Variants in NT5DC3 observed in about 807,000 individuals in gnomAD.
NT5DC3 encodes the protein 5'-nucleotidase domain containing 3.
A neutral mutation model predicts 67.8 loss-of-function variants in NT5DC3; 42 were observed. The ratio of observed to expected loss-of-function variants is 0.62; its 90% CI spans 0.48 to 0.80. NT5DC3 has a LOEUF of 0.80. Ranked by LOEUF, NT5DC3 falls within the 30% of genes least tolerant of loss-of-function variation. The probability of loss-of-function intolerance (pLI) is 0.00; values close to 1 mark genes in which losing one functional copy is unlikely to be tolerated. For missense variants in NT5DC3, 570 were observed against 696.4 expected, an observed-to-expected ratio of 0.82 and a Z score of 2.04; for synonymous variants, 237 against 255.6, an observed-to-expected ratio of 0.93 and a Z score of 0.69.
downstream of NT5DC3, chr12:103,766,164 C>G: frequency 7.6e-7 from 1 of 1,320,934 alleles, no homozygotes; most frequent in Non-Finnish European, 1.1e-6. Flanking sequence ...CAAACACGCC[C>G]AGCACATACG....
intron 1 of NT5DC3, among the ~76,000 whole-genome samples, chr12:103,833,851 AG>A (rs764601207): frequency 5.9e-5 from 9 of 152,334 alleles, no homozygotes; most frequent in Non-Finnish European, 1.0e-4. Flanking sequence ...GGAAGGCCAG[AG>A]CTTGAGTTCA....
chr12:103,765,480 C>T (rs373473418), downstream of NT5DC3, among the ~76,000 whole-genome samples: 1 of 152,204 alleles, frequency 6.6e-6, no homozygotes, highest in African/African-American at 2.4e-5. Flanking sequence ...CATGAAAAGC[C>T]ATTTCTAGCA....
downstream of NT5DC3, chr12:103,766,350 A>AGAT (rs542150436): frequency 6.2e-7 from 1 of 1,600,836 alleles, no homozygotes; most frequent in Non-Finnish European, 8.5e-7. Flanking sequence ...CCTGGACGGG[A>AGAT]GATGCCAGCC....
At chr12:103,801,249 C>T in intron 4 of NT5DC3, among the ~76,000 whole-genome samples, 1 of 152,018 alleles carries the variant, frequency 6.6e-6, no homozygotes, top group Non-Finnish European at 1.5e-5. Flanking sequence ...ACTTTCTTCC[C>T]ACCTTCTCTC....
chr12:103,821,160 C>T (rs1278875964), intron 1 of NT5DC3, among the ~76,000 whole-genome samples: 1 of 152,206 alleles, frequency 6.6e-6, no homozygotes, highest in Non-Finnish European at 1.5e-5. Context: ...TAAGCCACCA[C>T]GTGGAGCTGA....
downstream of NT5DC3, among the ~76,000 whole-genome samples, chr12:103,771,582 T>G (rs756866004): frequency 6.6e-6 from 1 of 152,070 alleles, no homozygotes; most frequent in East Asian, 1.9e-4. Flanking sequence ...CCAAGCACCC[T>G]GCAACCCACC....
At chr12:103,807,762 A>C (rs1024745343) in intron 2 of NT5DC3, among the ~76,000 whole-genome samples, 7 of 152,104 alleles carry the variant, frequency 4.6e-5, no homozygotes, top group Admixed American at 1.3e-4. Flanking sequence ...CTGGTGGGAG[A>C]CAACTGAATG....
chr12:103,799,249 T>C (rs907177345), intron 4 of NT5DC3, among the ~76,000 whole-genome samples: 6 of 152,162 alleles, frequency 3.9e-5, no homozygotes, highest in Non-Finnish European at 8.8e-5. Context: ...TCCAATACTC[T>C]AGCCTGAGAT....
chr12:103,837,645 C>T (rs574430180), intron 1 of NT5DC3, among the ~76,000 whole-genome samples: 31 of 152,334 alleles, frequency 2.0e-4, no homozygotes, highest in African/African-American at 7.2e-4. Context: ...GGCAAAATGC[C>T]GCCAACCTCT....
chr12:103,790,985 G>A (rs550070925), intron 9 of NT5DC3, among the ~76,000 whole-genome samples: 2 of 152,062 alleles, frequency 1.3e-5, no homozygotes, highest in South Asian at 4.2e-4. Context: ...CACCGCACCC[G>A]GCCAAGTACA....
At chr12:103,808,714 C>T (rs958679809) in intron 2 of NT5DC3, among the ~76,000 whole-genome samples, 9 of 152,222 alleles carry the variant, frequency 5.9e-5, no homozygotes, top group Admixed American at 3.9e-4. Context: ...AATTGACAAG[C>T]TGACACAGAA....
the NT5DC3 span, chr12:103,758,294 G>A: frequency 1.2e-6 from 2 of 1,612,974 alleles, no homozygotes; most frequent in African/African-American, 1.3e-5. Flanking sequence ...AATGAGGTGA[G>A]TTGAGTCCCT....
At chr12:103,792,572 T>A (rs1350775437) in intron 9 of NT5DC3, among the ~76,000 whole-genome samples, 8 of 152,234 alleles carry the variant, frequency 5.3e-5, no homozygotes, top group African/African-American at 1.9e-4. Context: ...AGTTAAAAGA[T>A]ATTTTAGCGT....
chr12:103,822,542 T>C (rs1887534096), intron 1 of NT5DC3, among the ~76,000 whole-genome samples: 2 of 152,246 alleles, frequency 1.3e-5, no homozygotes, highest in African/African-American at 4.8e-5. Flanking sequence ...AATAAGCATG[T>C]GTTATTTGGC....
intron 2 of NT5DC3, 75 bp from the exon 3 acceptor site, chr12:103,807,004 T>C: frequency 1.2e-6 from 1 of 866,980 alleles, no homozygotes. Flanking sequence ...CTGGCCCTTG[T>C]ACAAAGGCTG....
In NT5DC3 at chr12:103,824,342, A is replaced by G. The variant is rs140776431; in HGVS notation, c.209-9221T>C. On this transcript the variant is annotated intron_variant, in intron 1 of 13. Coordinates refer to ENST00000392876, the MANE Select transcript of NT5DC3 (RefSeq NM_001031701.3). ...TCATTTTTACTTCTGCAACAGTCCAATGGCAGATGTTGAGACGAAACAAAA... is the reference window on the plus strand; with the variant it reads ...TCATTTTTACTTCTGCAACAGTCCAGTGGCAGATGTTGAGACGAAACAAAA... Among the ~76,000 whole-genome samples, 445 of 152,350 alleles carry G rather than the reference A, an allele frequency of 2.9e-3. 2 individuals are homozygous for G. The highest frequency in any genetic ancestry group is 0.01 in the African/African-American group (421 of 41,588).
At chr12:103,780,081 C>G (rs990627355) in intron 13 of NT5DC3, among the ~76,000 whole-genome samples, 4 of 152,146 alleles carry the variant, frequency 2.6e-5, no homozygotes, top group Admixed American at 1.3e-4. Context: ...ATGGCAAGGG[C>G]GGAGGAATGA....
At chr12:103,753,819 C>A in the NT5DC3 span, among the ~76,000 whole-genome samples, 1 of 152,154 alleles carries the variant, frequency 6.6e-6, no homozygotes, top group Non-Finnish European at 1.5e-5. Flanking sequence ...TACCCACGAG[C>A]CTAGGGTGGA....
rs1885282382 is a variant in NT5DC3, at chr12:103,774,653, CG to C, written c.*3175del. On this transcript the variant is annotated 3_prime_UTR_variant, in exon 14 of 14. Coordinates refer to ENST00000392876, the MANE Select transcript of NT5DC3 (RefSeq NM_001031701.3). Reference sequence around the variant, plus strand: ...GAGCCAAGATCGTGCCATTGCACTCCGGCCTGGGCAAAAAGAGCAAAACTAA... The same window carrying C: ...GAGCCAAGATCGTGCCATTGCACTCCGCCTGGGCAAAAAGAGCAAAACTAA... 1 of 142,984 alleles carries C rather than the reference CG, an allele frequency of 7.0e-6. No homozygotes were observed. Among genetic ancestry groups the C allele is most frequent in the South Asian group, 2.2e-4 (1 of 4,494 alleles). 8.9% of individuals were successfully genotyped at this position (142,984 alleles called of 1,614,324 possible).
Sources: gnomAD v4.1 joint callset for allele counts (sites outside exome capture counted in the v4.1 genomes callset) on GRCh38, gnomAD v4.1.1 for gene constraint, MANE v1.5 for transcripts, NCBI Gene and HGNC (gene_info 2026-07-23, HGNC 2026-07-21) for gene names.